The following ABCB10 variants were observed in gnomAD, a reference collection of about 807,000 sequenced individuals.
The protein encoded by ABCB10 is ATP binding cassette subfamily B member 10.
A neutral mutation model predicts 65.4 loss-of-function variants in ABCB10; 54 were observed. The observed-to-expected ratio is 0.83, with a 90% CI of 0.66 to 1.04. The LOEUF is 1.04. ABCB10 is among the 50% of genes least tolerant of loss of function. The probability of loss-of-function intolerance (pLI) is 0.00; values close to 1 mark genes in which losing one functional copy is unlikely to be tolerated. For missense variants in ABCB10, 846 were observed against 976.6 expected, an observed-to-expected ratio of 0.87 and a Z score of 1.78; for synonymous variants, 418 against 406.5, an observed-to-expected ratio of 1.03 and a Z score of -0.34.
Position 229,543,576 on chromosome 1 carries a change from T to C in ABCB10, c.922-1205A>G, listed in dbSNP as rs749661514. On this transcript the variant is annotated intron_variant, in intron 3 of 12. Coordinates refer to ENST00000344517, the MANE Select transcript of ABCB10 (RefSeq NM_012089.3). ...ATTACTGAGAGCCCACGTTACTGAG[T>C]GCAAGCACTATTCCAGGCACCTGGG... 6.6e-5 allele frequency among the ~76,000 whole-genome samples: 10 copies of C among 152,192 alleles called. No individual in the cohort carries two copies. The South Asian group carries it at 8.3e-4, about 13-fold the overall frequency.
chr1:229,545,480 C>T (rs1022702973), intron 3 of ABCB10, among the ~76,000 whole-genome samples: 5 of 152,184 alleles, frequency 3.3e-5, no homozygotes, highest in South Asian at 4.1e-4. Context: ...CTACTGGAAA[C>T]TTGAAATGTG....
At chr1:229,526,237 T>A (rs74705869) in intron 9 of ABCB10, 121 bp from the exon 10 acceptor site, 1 of 1,033,896 alleles carries the variant, frequency 9.7e-7, no homozygotes, top group African/African-American at 1.6e-5. Flanking sequence ...TTTTATCATC[T>A]GTAGTTCTCA....
intron 10 of ABCB10, among the ~76,000 whole-genome samples, chr1:229,522,376 T>C (rs1662336117): frequency 6.6e-6 from 1 of 151,284 alleles, no homozygotes; most frequent in South Asian, 2.1e-4. Flanking sequence ...CTGGCTAATT[T>C]TTAAAATTTT....
chr1:229,520,815 C>T (rs10799533), intron 11 of ABCB10, among the ~76,000 whole-genome samples: 31,946 of 152,160 alleles, frequency 0.21, 3,516 homozygotes, highest in Middle Eastern at 0.28. Context: ...AACCATATAT[C>T]GTCTGATTCC....
rs532444964 is a variant in ABCB10, at chr1:229,537,802, C to T, written c.1339+1654G>A. Reference sequence around the variant, plus strand: ...AAGACTCCATCTCCAAATAAATAAACAAACAAACAAACAAACAAACATAAA... The same window carrying T: ...AAGACTCCATCTCCAAATAAATAAATAAACAAACAAACAAACAAACATAAA... On this transcript the variant is annotated intron_variant, in intron 6 of 12. Transcript: ENST00000344517. Among the ~76,000 whole-genome samples the T allele has an allele frequency of 3.7e-3, 561 of 151,132 alleles. 5 individuals are homozygous for T. The highest frequency in any genetic ancestry group is 0.013 in the African/African-American group (527 of 41,392).
chr1:229,517,480 G>C lies in ABCB10; in HGVS notation c.*699C>G, dbSNP rs1427187750. 1.3e-5 allele frequency: 2 copies of C among 152,188 alleles called. No individual in the cohort carries two copies. The highest frequency in any genetic ancestry group is 2.9e-5 in the Non-Finnish European group (2 of 68,016). The allele number at this position is 152,188 out of a possible 1,614,324, so 9.4% of individuals were successfully genotyped here. On this transcript the variant is annotated 3_prime_UTR_variant, in exon 13 of 13. Transcript: ENST00000344517. ...ACAAACATGTGAATTTAAAAAACATGTTTTCCTGTTCAAAAAATAAAGCTT... is the reference window on the plus strand; with the variant it reads ...ACAAACATGTGAATTTAAAAAACATCTTTTCCTGTTCAAAAAATAAAGCTT...
chr1:229,529,295 CAAAAAAAAAAAAAAAAAA>C (rs59264291), intron 8 of ABCB10, among the ~76,000 whole-genome samples: 11 of 23,130 alleles, frequency 4.8e-4, no homozygotes, highest in South Asian at 2.8e-3. Context: ...GACTCCGTCT[CAAAAAAAAAAAAAAAAAA>C]AAAAAAAAAA....
chr1:229,551,718 G>A (rs1163374888), intron 1 of ABCB10, among the ~76,000 whole-genome samples: 1 of 152,214 alleles, frequency 6.6e-6, no homozygotes, highest in Non-Finnish European at 1.5e-5. Flanking sequence ...AGTGCCCAAA[G>A]GGGCTTGAAG....
At chr1:229,526,229 T>G in intron 9 of ABCB10, 113 bp from the exon 10 acceptor site, 1 of 1,116,554 alleles carries the variant, frequency 9.0e-7, no homozygotes, top group Non-Finnish European at 1.3e-6. Flanking sequence ...GAACAGGATT[T>G]TATCATCTGT....
intron 6 of ABCB10, among the ~76,000 whole-genome samples, chr1:229,535,900 A>G (rs1175403674): frequency 1.3e-5 from 2 of 151,886 alleles, no homozygotes; most frequent in Non-Finnish European, 2.9e-5. Flanking sequence ...TAATTTTTGT[A>G]TTTTTAGTAG....
At chr1:229,547,828 G>A (rs375128037) in intron 2 of ABCB10, 127 bp from the exon 3 acceptor site, 66 of 822,620 alleles carry the variant, frequency 8.0e-5, no homozygotes, top group African/African-American at 2.0e-4. Flanking sequence ...GCCTCTGAGC[G>A]TGTCTGCTGC....
intron 2 of ABCB10, among the ~76,000 whole-genome samples, chr1:229,548,881 T>G (rs1353941850): frequency 1.3e-5 from 2 of 151,976 alleles, no homozygotes; most frequent in Admixed American, 6.6e-5. Flanking sequence ...CAGGCTGGTC[T>G]CGAACTCCTG....
chr1:229,557,936 G>A (rs1468810490), intron 1 of ABCB10, among the ~76,000 whole-genome samples, 200 bp downstream of exon 1: 2 of 152,184 alleles, frequency 1.3e-5, no homozygotes, highest in African/African-American at 4.8e-5. Flanking sequence ...ATCTGCAAAC[G>A]AGTCCCCAGC....
intron 8 of ABCB10, among the ~76,000 whole-genome samples, chr1:229,528,175 G>A (rs930445751): frequency 1.3e-5 from 2 of 152,160 alleles, no homozygotes; most frequent in African/African-American, 4.8e-5. Flanking sequence ...TGAGGTCTTT[G>A]ACGAAAAAGC....
At position 229,530,071 on chromosome 1, in the gene ABCB10, C is replaced by T. The variant is rs1033678225; in HGVS notation, c.1645+128G>A. ...CTTCTGTTTGAGGGATTTCTTTCCA[C>T]TGGCACTTAGAAAAGAAGGTACTCT... On this transcript the variant is annotated intron_variant, in intron 8 of 12. Transcript: ENST00000344517. 39 of 933,698 alleles carry T rather than the reference C, an allele frequency of 4.2e-5. No individual in the cohort carries two copies. The Admixed American group carries it at 8.1e-4, about 19-fold the overall frequency. 57.8% of individuals were successfully genotyped at this position (933,698 alleles called of 1,614,324 possible). A position where few individuals can be genotyped will look rare whatever the true frequency, so the allele number is the denominator to read the frequency against.
chr1:229,558,154 C>T lies in ABCB10; in HGVS notation c.499G>A (p.Glu167Lys). Residue 167 changes from glutamate (E) to lysine (K), a missense_variant, in exon 1 of 13, where the codon GAG (glutamate) becomes AAG (lysine). Around this residue, in one of 2 missense-constraint regions of ABCB10, gnomAD observed 632 missense variants for 803.2 expected, o/e 0.79. Coordinates refer to ENST00000344517, the MANE Select transcript of ABCB10 (RefSeq NM_012089.3). ...ARKLLGLAYP[E>K]RRRLAAAVGF... ...ACCCTACCTGCCAGCCTCCGGCGCTCAGGGTACGCCAGCCCCAGGAGCTTC... is the reference window on the plus strand; with the variant it reads ...ACCCTACCTGCCAGCCTCCGGCGCTTAGGGTACGCCAGCCCCAGGAGCTTC... 1 of 1,422,994 alleles carries T rather than the reference C, an allele frequency of 7.0e-7. No homozygotes were observed. Among genetic ancestry groups the T allele is most frequent in the Non-Finnish European group, 9.2e-7 (1 of 1,091,204 alleles). 88.1% of individuals were successfully genotyped at this position (1,422,994 alleles called of 1,614,324 possible).
intron 6 of ABCB10, among the ~76,000 whole-genome samples, chr1:229,533,685 T>A (rs1571965024): frequency 1.3e-5 from 2 of 152,176 alleles, no homozygotes; most frequent in East Asian, 3.8e-4. Context: ...AACGGCAATA[T>A]ACATATTATC....
chr1:229,520,906 C>T (rs933408721), intron 11 of ABCB10, among the ~76,000 whole-genome samples: 10 of 152,126 alleles, frequency 6.6e-5, no homozygotes, highest in Admixed American at 3.3e-4. Flanking sequence ...AAACAAGGAA[C>T]GACTGACTGC....
intron 3 of ABCB10, among the ~76,000 whole-genome samples, chr1:229,546,628 C>T (rs1410648347): frequency 1.3e-5 from 2 of 152,026 alleles, no homozygotes; most frequent in Non-Finnish European, 2.9e-5. Context: ...CCCAGCACTT[C>T]AGGAGGCCGA....
Sources: allele counts gnomAD v4.1 joint callset (sites outside exome capture counted in the v4.1 genomes callset), GRCh38; gene constraint gnomAD v4.1.1; regional missense constraint gnomAD v4.1.1; transcripts MANE v1.5; gene names NCBI Gene and HGNC (gene_info 2026-07-23, HGNC 2026-07-21).